SYNGR2: variants seen among roughly 807,000 people sequenced by gnomAD.
SYNGR2 encodes the protein synaptogyrin 2.
Under a neutral mutation model 18.7 loss-of-function variants are expected in SYNGR2, and 11 were observed. The ratio of observed to expected loss-of-function variants is 0.59; its 90% CI spans 0.37 to 0.97. The LOEUF (loss-of-function observed/expected upper bound fraction) is 0.97, where lower values mean the gene tolerates loss of function less well. Among genes scored for constraint, SYNGR2 ranks in the 50% least tolerant of loss-of-function variants. The pLI is 0.01. For synonymous variants in SYNGR2, 127 were observed against 131.0 expected, an observed-to-expected ratio of 0.97 and a Z score of 0.21; for missense variants, 253 against 300.7, an observed-to-expected ratio of 0.84 and a Z score of 1.17.
At chr17:78,168,579 C>T (rs2075634636), upstream of SYNGR2, 4 of 1,167,264 alleles carry the variant, frequency 3.4e-6, no homozygotes, top group East Asian at 1.1e-4. Flanking sequence ...GCAGGTTCCT[C>T]TGCGTTCCGC....
Position 78,171,555 on chromosome 17 carries a change from A to G in SYNGR2, c.383A>G (p.Asn128Ser). ...LWFVGFCFLT[N>S]QWAVTNPKDV... is the part of the protein sequence containing the mutation. ...TTTGTTGGTTTCTGCTTCCTCACCA[A>G]CCAGTGGGCAGTCACCAACCCGAAG... The change falls in exon 3 of 4, where the codon AAC (asparagine) becomes AGC (serine). Residue 128 changes from asparagine to serine, a missense_variant. Physicochemically the swap from Asn to Ser is conservative, Grantham distance 46 (BLOSUM62 1). Transcript: ENST00000225777. This position sits in a 1 kb window ranked among gnomAD's most constrained non-coding sequence, Gnocchi z 6.6. The G allele has an allele frequency of 6.5e-7, 1 of 1,532,108 alleles. No homozygotes were observed. Among genetic ancestry groups the G allele is most frequent in the East Asian group, 2.3e-5 (1 of 44,138 alleles). The allele number at this position is 1,532,108 out of a possible 1,614,324, so 94.9% of individuals were successfully genotyped here.
Position 78,171,541 on chromosome 17 carries a change from C to T in SYNGR2, c.369C>T (p.Phe123=). 1 of 1,529,490 alleles carries T rather than the reference C, an allele frequency of 6.5e-7. No individual in the cohort carries two copies. The highest frequency in any genetic ancestry group is 8.8e-7 in the Non-Finnish European group (1 of 1,138,794). 94.7% of individuals were successfully genotyped at this position (1,529,490 alleles called of 1,614,324 possible). Reference sequence around the variant, plus strand: ...GGACCTTCCTGTGGTTTGTTGGTTTCTGCTTCCTCACCAACCAGTGGGCAG... The same window carrying T: ...GGACCTTCCTGTGGTTTGTTGGTTTTTGCTTCCTCACCAACCAGTGGGCAG... The part of the protein sequence containing the change: ...ALWTFLWFVG[F]CFLTNQWAVT... Residue 123 remains phenylalanine (F), a synonymous_variant, in exon 3 of 4, where the codon TTC becomes TTT. Coordinates refer to ENST00000225777, the MANE Select transcript of SYNGR2 (RefSeq NM_004710.7). The surrounding 1 kb of genome is among the most constrained non-coding windows in gnomAD (Gnocchi z 6.6).
rs1045734539 is a variant in SYNGR2 at position 78,171,359 on chromosome 17, A to AGGT, written c.338-148_338-146dup. ...AAGGCCCGAGTGTGGGGGACTTTGG[A>AGGT]GGTGGCTCCCGGCCCGGCTTCCAAG... On this transcript the variant is annotated intron_variant, in intron 2 of 3. Coordinates refer to ENST00000225777, the MANE Select transcript of SYNGR2 (RefSeq NM_004710.7). This position sits in a 1 kb window ranked among gnomAD's most constrained non-coding sequence, Gnocchi z 6.6. 2 of 960,462 alleles carry AGGT rather than the reference A, an allele frequency of 2.1e-6. No homozygotes were observed. Among genetic ancestry groups the AGGT allele is most frequent in the Non-Finnish European group, 3.0e-6 (2 of 666,990 alleles). 59.5% of individuals were successfully genotyped at this position (960,462 alleles called of 1,614,324 possible).
rs1173201087 is a variant in SYNGR2 at position 78,171,732 on chromosome 17, C to G, written c.478-7C>G. 1 of 1,614,050 alleles carries G rather than the reference C, an allele frequency of 6.2e-7. No individual in the cohort carries two copies. Reference sequence around the variant, plus strand: ...CCCACCTGTACCCTGCTGTGCTCCCCCTGCAGGGTGTGCTGGCCTCCCTGG... The same window carrying G: ...CCCACCTGTACCCTGCTGTGCTCCCGCTGCAGGGTGTGCTGGCCTCCCTGG... On this transcript the variant is annotated splice_region_variant and splice_polypyrimidine_tract_variant and intron_variant, in intron 3 of 3. Transcript: ENST00000225777. The surrounding 1 kb of genome is among the most constrained non-coding windows in gnomAD (Gnocchi z 6.6).
Position 78,170,975 on chromosome 17 carries a change from G to A in SYNGR2, c.258G>A (p.Leu86=), listed in dbSNP as rs1173688274. 17 of 1,612,966 alleles carry A rather than the reference G, an allele frequency of 1.1e-5. No homozygotes were observed. The highest frequency in any genetic ancestry group is 2.7e-5 in the African/African-American group (2 of 75,044). The change falls in exon 2 of 4, where the codon TTG becomes TTA. Residue 86 remains leucine, a synonymous_variant. Transcript: ENST00000225777. ...VLAFLASAFF[L]VVDAYFPQIS... ...CCTTCCTGGCCTCGGCCTTCTTCTT[G>A]GTGGTCGACGCGTATTTCCCCCAGA...
rs1340106448 is a variant in SYNGR2 at position 78,171,855 on chromosome 17, A to G, written c.594A>G (p.Ala198=). 2 of 1,614,100 alleles carry G rather than the reference A, an allele frequency of 1.2e-6. No homozygotes were observed. Among genetic ancestry groups the G allele is most frequent in the South Asian group, 1.1e-5 (1 of 91,082 alleles). Residue 198 remains alanine (A), a synonymous_variant, in exon 4 of 4, where the codon GCA becomes GCG. Coordinates refer to ENST00000225777, the MANE Select transcript of SYNGR2 (RefSeq NM_004710.7). This position sits in a 1 kb window ranked among gnomAD's most constrained non-coding sequence, Gnocchi z 6.6. The part of the protein sequence containing the change: ...PNTAYASYPG[A]SVDNYQQPPF... The stretch of plus-strand genomic sequence containing the variant: ...CTGCCTACGCCTCCTACCCAGGTGC[A>G]TCTGTGGACAACTACCAACAGCCAC...
At position 78,168,668 on chromosome 17, in the gene SYNGR2, C is replaced by T. The variant is rs991046043; in HGVS notation, c.52C>T (p.Arg18Trp). 3.3e-6 allele frequency: 4 copies of T among 1,204,590 alleles called. No individual in the cohort carries two copies. In the African/African-American group the frequency reaches 6.3e-5, roughly 19 times the overall value. 74.6% of individuals were successfully genotyped at this position (1,204,590 alleles called of 1,614,324 possible). A position where few individuals can be genotyped will look rare whatever the true frequency, so the allele number is the denominator to read the frequency against. Residue 18 changes from arginine (R) to tryptophan (W), a missense_variant, in exon 1 of 4, where the codon CGG becomes TGG. By Grantham distance (101) the Arg-to-Trp change is moderately radical. Coordinates refer to ENST00000225777, the MANE Select transcript of SYNGR2 (RefSeq NM_004710.7). Reference protein sequence around the residue: ...AAKAGGSFDLRRFLTQPQVVA... With the variant: ...AAKAGGSFDLWRFLTQPQVVA... ...CAAGGCGGGCGGCTCCTTCGACCTG[C>T]GGCGCTTCCTGACGCAGCCGCAGGT...
rs748702056 is a variant in SYNGR2, at chr17:78,170,957, G to A, written c.240G>A (p.Leu80=). The change falls in exon 2 of 4, where the codon CTG becomes CTA. Residue 80 remains leucine, a synonymous_variant. Transcript: ENST00000225777. ...YGSAIGVLAF[L]ASAFFLVVDA... ...GTGCCATCGGGGTGCTGGCCTTCCTGGCCTCGGCCTTCTTCTTGGTGGTCG... is the reference window on the plus strand; with the variant it reads ...GTGCCATCGGGGTGCTGGCCTTCCTAGCCTCGGCCTTCTTCTTGGTGGTCG... 9 of 1,613,314 alleles carry A rather than the reference G, an allele frequency of 5.6e-6. No homozygotes were observed. The highest frequency in any genetic ancestry group is 7.6e-6 in the Non-Finnish European group (9 of 1,180,026).
chr17:78,171,744 GCTGGCCTCC>G lies in SYNGR2; in HGVS notation c.491_499del (p.Ser164_Ala166del). On this transcript the variant is annotated inframe_deletion, in exon 4 of 4. Coordinates refer to ENST00000225777, the MANE Select transcript of SYNGR2 (RefSeq NM_004710.7). This position sits in a 1 kb window ranked among gnomAD's most constrained non-coding sequence, Gnocchi z 6.6. The stretch of plus-strand genomic sequence containing the variant: ...CTGCTGTGCTCCCCCTGCAGGGTGT[GCTGGCCTCC>G]CTGGCCTACCAGCGCTACAAGGCTG... The G allele has an allele frequency of 6.2e-7, 1 of 1,614,114 alleles. No homozygotes were observed.
rs906225619 is a variant in SYNGR2, at chr17:78,172,431, G to A, written c.*495G>A. On this transcript the variant is annotated 3_prime_UTR_variant, in exon 4 of 4. Transcript: ENST00000225777. ...CTGTGCCCACTGCTGTATGATCTGGGGGCCACCACCCTGTGCCGGTGGCCT... is the reference window on the plus strand; with the variant it reads ...CTGTGCCCACTGCTGTATGATCTGGAGGCCACCACCCTGTGCCGGTGGCCT... 2 of 190,706 alleles carry A rather than the reference G, an allele frequency of 1.0e-5. No homozygotes were observed. The highest frequency in any genetic ancestry group is 2.3e-5 in the African/African-American group (1 of 42,730). The allele number at this position is 190,706 out of a possible 1,614,324, so 11.8% of individuals were successfully genotyped here. A position where few individuals can be genotyped will look rare whatever the true frequency, so the allele number is the denominator to read the frequency against.
Position 78,171,431 on chromosome 17 carries a change from A to G in SYNGR2, c.338-79A>G. The G allele has an allele frequency of 6.7e-7, 1 of 1,488,600 alleles. No individual in the cohort carries two copies. The highest frequency in any genetic ancestry group is 9.0e-7 in the Non-Finnish European group (1 of 1,115,092). 92.2% of individuals were successfully genotyped at this position (1,488,600 alleles called of 1,614,324 possible). A position where few individuals can be genotyped will look rare whatever the true frequency, so the allele number is the denominator to read the frequency against. ...GGCTCCCCCGGGAGGTCCCTGCCCT[A>G]CCTGCCCGCGTCCCCTCCCAGAGTC... On this transcript the variant is annotated intron_variant, in intron 2 of 3. Coordinates refer to ENST00000225777, the MANE Select transcript of SYNGR2 (RefSeq NM_004710.7). The surrounding 1 kb of genome is among the most constrained non-coding windows in gnomAD (Gnocchi z 6.6).
At chr17:78,170,003 A>G (rs1199131752) in intron 1 of SYNGR2, 1 of 152,502 alleles carries the variant, frequency 6.6e-6, no homozygotes, top group East Asian at 1.9e-4. Context: ...CAGGGGCGCC[A>G]GCATGGCCTT....
At position 78,171,216 on chromosome 17, in the gene SYNGR2, T is replaced by G. The variant is rs965748081; in HGVS notation, c.337+162T>G. 2 of 745,614 alleles carry G rather than the reference T, an allele frequency of 2.7e-6. No homozygotes were observed. The highest frequency in any genetic ancestry group is 3.5e-5 in the African/African-American group (2 of 56,638). 46.2% of individuals were successfully genotyped at this position (745,614 alleles called of 1,614,324 possible). ...CAGCTAGTGTTTTTCCGTGCTTGAA[T>G]GGCACCAGCCCTGCCTGGGGTAGCT... On this transcript the variant is annotated intron_variant, in intron 2 of 3. Transcript: ENST00000225777. The surrounding 1 kb of genome is among the most constrained non-coding windows in gnomAD (Gnocchi z 6.6).
chr17:78,170,383 G>A (rs900876800), intron 1 of SYNGR2: 1 of 166,832 alleles, frequency 6.0e-6, no homozygotes, highest in African/African-American at 2.4e-5. Context: ...AAGTTTGGAG[G>A]GGCTAAGATG....
intron 1 of SYNGR2, among the ~76,000 whole-genome samples, 165 bp downstream of exon 1, chr17:78,168,880 C>T (rs917681417): frequency 2.6e-5 from 4 of 152,056 alleles, no homozygotes; most frequent in Non-Finnish European, 4.4e-5. Context: ...CCTTCCCGCC[C>T]TCCACAGTCT....
intron 1 of SYNGR2, chr17:78,169,263 T>C (rs1363952233): frequency 3.1e-5 from 1 of 32,082 alleles, no homozygotes; most frequent in Admixed American, 4.0e-4. Context: ...GTTTTGTGTG[T>C]GTGTGTGTGT....
chr17:78,170,740 G>A (rs1378337068), intron 1 of SYNGR2, 77 bp from the exon 2 acceptor site: 3 of 1,276,922 alleles, frequency 2.3e-6, no homozygotes, highest in Non-Finnish European at 3.3e-6. Flanking sequence ...GCCAGCATCT[G>A]TACACCCCAT....
chr17:78,171,663 G>T lies in SYNGR2; in HGVS notation c.477+14G>T. The T allele has an allele frequency of 6.2e-7, 1 of 1,605,790 alleles. No homozygotes were observed. Among genetic ancestry groups the T allele is most frequent in the East Asian group, 2.2e-5 (1 of 44,614 alleles). On this transcript the variant is annotated intron_variant, in intron 3 of 3. Coordinates refer to ENST00000225777, the MANE Select transcript of SYNGR2 (RefSeq NM_004710.7). The surrounding 1 kb of genome is among the most constrained non-coding windows in gnomAD (Gnocchi z 6.6). Reference sequence around the variant, plus strand: ...ATCTTCTCCTGGGTAGGATGGCCAGGGGCCGGTTCTTGGGTCAAGGGTGGT... The same window carrying T: ...ATCTTCTCCTGGGTAGGATGGCCAGTGGCCGGTTCTTGGGTCAAGGGTGGT...
intron 1 of SYNGR2, chr17:78,170,536 TA>T: frequency 4.9e-6 from 2 of 406,190 alleles, no homozygotes; most frequent in Non-Finnish European, 9.3e-6. Context: ...CTATCTCTAC[TA>T]AAAATACGGG....
Sources: gnomAD v4.1 joint callset for allele counts (sites outside exome capture counted in the v4.1 genomes callset) on GRCh38, gnomAD v4.1.1 for gene constraint, Gnocchi (gnomAD v3.1) non-coding constraint, MANE v1.5 for transcripts, NCBI Gene and HGNC (gene_info 2026-07-23, HGNC 2026-07-21) for gene names.